Variants in DPP10 observed in about 807,000 individuals in gnomAD.
DPP10 encodes the protein dipeptidyl peptidase like 10, also known as inactive dipeptidyl peptidase 10.
Under a neutral mutation model 120.9 loss-of-function variants are expected in DPP10, and 33 were observed. That is an observed-to-expected ratio of 0.27 (90% CI 0.21 to 0.37). The LOEUF (loss-of-function observed/expected upper bound fraction) is 0.37. Ranked by LOEUF, DPP10 falls within the 10% of genes least tolerant of loss-of-function variation. DPP10 has a pLI of 1.00. For synonymous variants in DPP10, 337 were observed against 326.1 expected (o/e 1.03, Z -0.36); for missense variants, 816 against 942.8 (o/e 0.87, Z 1.76).
At chr2:115,600,862 T>C (rs1352539548) in intron 5 of DPP10, among the ~76,000 whole-genome samples, 1 of 152,240 alleles carries the variant, frequency 6.6e-6, no homozygotes, top group Non-Finnish European at 1.5e-5. Flanking sequence ...AAAGCATAAC[T>C]GCTGTTGAAA....
chr2:114,890,521 A>G (rs1692454600), intron 1 of DPP10, among the ~76,000 whole-genome samples: 1 of 152,360 alleles, frequency 6.6e-6, no homozygotes, highest in East Asian at 1.9e-4. Context: ...CCACAAATGC[A>G]GAACAACCCC....
At chr2:114,769,765 C>G (rs954032102) in intron 1 of DPP10, among the ~76,000 whole-genome samples, 1 of 152,098 alleles carries the variant, frequency 6.6e-6, no homozygotes, top group Non-Finnish European at 1.5e-5. Context: ...GGCATGCACA[C>G]AACACACACA....
At chr2:115,236,063 A>G (rs1302021918) in intron 1 of DPP10, among the ~76,000 whole-genome samples, 1 of 152,142 alleles carries the variant, frequency 6.6e-6, no homozygotes, top group Non-Finnish European at 1.5e-5. Context: ...AACAAAACCT[A>G]TACATACTCC....
chr2:115,461,354 G>T (rs1179357070), intron 3 of DPP10, among the ~76,000 whole-genome samples: 2 of 152,052 alleles, frequency 1.3e-5, no homozygotes, highest in Non-Finnish European at 2.9e-5. Flanking sequence ...AACATGGGTA[G>T]ATTTTGTTAT....
rs1178418388 is a variant in DPP10, at chr2:115,378,587, A to G, written c.271+34675A>G. Among the ~76,000 whole-genome samples, 4 of 150,338 alleles carry G rather than the reference A, an allele frequency of 2.7e-5. No homozygotes were observed. The East Asian group carries it at 5.8e-4, about 22-fold the overall frequency. On this transcript the variant is annotated intron_variant, in intron 3 of 25. Transcript: ENST00000410059. ...TGCCCTGGCCAGAACTTCCAACACT[A>G]TGTTGAATAGGAGTGGTGAGAGAGG...
intron 1 of DPP10, among the ~76,000 whole-genome samples, chr2:115,189,672 G>GA (rs1489355430): frequency 5.3e-5 from 8 of 151,316 alleles, no homozygotes; most frequent in Non-Finnish European, 1.0e-4. Context: ...TTCTCTAAAA[G>GA]AAAAAACTTC....
rs554798133 is a variant in DPP10 at position 114,757,253 on chromosome 2, A to T, written c.60+314415A>T. ...GAAGAGGGAGGAAGGAAGGAAAGAA[A>T]GGGAAGAGGGAGAAAGGAAGGAAAG... is the stretch of plus-strand genomic sequence containing the variant. On this transcript the variant is annotated intron_variant, in intron 1 of 25. Coordinates refer to ENST00000410059, the MANE Select transcript of DPP10 (RefSeq NM_020868.6). Among the ~76,000 whole-genome samples, 5 of 131,138 alleles carry T rather than the reference A, an allele frequency of 3.8e-5. No homozygotes were observed. The South Asian group carries it at 8.7e-4, about 23-fold the overall frequency. 86.0% of individuals were successfully genotyped at this position (131,138 alleles called of 152,430 possible). A position where few individuals can be genotyped will look rare whatever the true frequency, so the allele number is the denominator to read the frequency against.
Position 115,636,026 on chromosome 2 carries a change from T to G in DPP10, c.442-53661T>G, listed in dbSNP as rs945425702. On this transcript the variant is annotated intron_variant, in intron 5 of 25. Transcript: ENST00000410059. ...TGACAATCTTAACCAAGTGGCTAAG[T>G]TTGGCATTACTGATGGTGTAAAGCC... Among the ~76,000 whole-genome samples the G allele has an allele frequency of 1.3e-5, 2 of 152,092 alleles. 1 individual carries two copies. Among genetic ancestry groups the G allele is most frequent in the South Asian group, 4.1e-4 (2 of 4,824 alleles).
chr2:115,274,821 G>C (rs2059844696), intron 1 of DPP10, among the ~76,000 whole-genome samples: 2 of 152,178 alleles, frequency 1.3e-5, no homozygotes, highest in South Asian at 4.1e-4. Context: ...CTAATTAACA[G>C]TTGTAGCATC....
intron 4 of DPP10, among the ~76,000 whole-genome samples, chr2:115,516,574 GTTT>G (rs5833606): frequency 7.2e-6 from 1 of 138,256 alleles, no homozygotes. Context: ...GTTATTCTTT[GTTT>G]TTTTTTTTTT....
At chr2:115,028,878 T>C (rs961784866) in intron 1 of DPP10, among the ~76,000 whole-genome samples, 1 of 152,124 alleles carries the variant, frequency 6.6e-6, no homozygotes, top group African/African-American at 2.4e-5. Flanking sequence ...TATAGATATT[T>C]CTGCTATTTT....
chr2:115,596,651 T>C (rs2083006811), intron 5 of DPP10, among the ~76,000 whole-genome samples: 1 of 152,142 alleles, frequency 6.6e-6, no homozygotes, highest in Non-Finnish European at 1.5e-5. Context: ...TAAAACAAAG[T>C]AGAAAATTTA....
intron 5 of DPP10, among the ~76,000 whole-genome samples, chr2:115,617,391 A>G (rs1471941759): frequency 1.3e-5 from 2 of 150,218 alleles, no homozygotes; most frequent in Non-Finnish European, 3.0e-5. Flanking sequence ...TGAAGAATGC[A>G]TAACAAGAAT....
chr2:114,591,976 A>G (rs1233077511), intron 1 of DPP10, among the ~76,000 whole-genome samples: 2 of 152,184 alleles, frequency 1.3e-5, no homozygotes, highest in Non-Finnish European at 2.9e-5. Context: ...GAAAAGTGAT[A>G]CTAGAGACTT....
At chr2:115,047,044 C>T (rs983920453) in intron 1 of DPP10, among the ~76,000 whole-genome samples, 3 of 151,932 alleles carry the variant, frequency 2.0e-5, no homozygotes, top group Admixed American at 6.6e-5. Context: ...GAAGTAGTAT[C>T]ACTCCTATAA....
intron 1 of DPP10, among the ~76,000 whole-genome samples, chr2:114,807,358 T>C (rs747825830): frequency 2.6e-5 from 4 of 152,206 alleles, no homozygotes; most frequent in Non-Finnish European, 5.9e-5. Context: ...GTCAGGGTAA[T>C]TGGGATATCC....
intron 2 of DPP10, among the ~76,000 whole-genome samples, chr2:115,334,497 T>G (rs1337072346): frequency 2.0e-5 from 3 of 151,660 alleles, no homozygotes; most frequent in East Asian, 3.9e-4. Context: ...TTATTATTTT[T>G]CCAATTTATA....
chr2:115,695,629 A>T (rs1036880817), intron 7 of DPP10, among the ~76,000 whole-genome samples: 1 of 152,168 alleles, frequency 6.6e-6, no homozygotes. Context: ...AGTCCCTACC[A>T]TGACATGTGG....
intron 5 of DPP10, among the ~76,000 whole-genome samples, chr2:115,544,125 A>G (rs2079348552): frequency 1.3e-5 from 2 of 152,082 alleles, no homozygotes; most frequent in African/African-American, 4.8e-5. Context: ...AAAACTGAGG[A>G]ATAAATTAAA....
Sources: allele counts gnomAD v4.1 joint callset (sites outside exome capture counted in the v4.1 genomes callset), GRCh38; gene constraint gnomAD v4.1.1; transcripts MANE v1.5; gene names NCBI Gene and HGNC (gene_info 2026-07-23, HGNC 2026-07-21).